RANBP3L: variants seen among roughly 807,000 people sequenced by gnomAD.
The protein encoded by RANBP3L is ran-binding protein 3-like.
A neutral mutation model predicts 67.2 loss-of-function variants in RANBP3L; 56 were observed. That is an observed-to-expected ratio of 0.83 (90% confidence interval 0.67 to 1.04). The LOEUF (loss-of-function observed/expected upper bound fraction) is 1.04, where lower values mean the gene tolerates loss of function less well. Ranked by LOEUF, RANBP3L falls within the 50% of genes least tolerant of loss-of-function variation. The pLI is 0.00. For missense variants in RANBP3L, 496 were observed against 535.5 expected (o/e 0.93, Z 0.73); for synonymous variants, 164 against 181.4 (o/e 0.90, Z 0.77).
In RANBP3L at chr5:36,269,445, C is replaced by T. The variant is rs767359876; in HGVS notation, c.213G>A (p.Lys71=). Residue 71 remains lysine (K), a synonymous_variant, in exon 4 of 14, where the codon AAG becomes AAA. Transcript: ENST00000296604. ...AEPECNGFPT[K]RVRSSSFTFH... ...AAGTAAAAGATGAAGACCGTACACGCTTTGTTGGAAAACCATTACATTCTG... is the reference window on the plus strand; with the variant it reads ...AAGTAAAAGATGAAGACCGTACACGTTTTGTTGGAAAACCATTACATTCTG... The T allele has an allele frequency of 1.3e-6, 2 of 1,575,554 alleles. No individual in the cohort carries two copies. The highest frequency in any genetic ancestry group is 1.7e-6 in the Non-Finnish European group (2 of 1,144,768).
rs201149088 is a variant in RANBP3L, at chr5:36,289,818, C to CAA, written c.91+11506_91+11507dup. On this transcript the variant is annotated intron_variant, in intron 1 of 13. Transcript: ENST00000296604. The stretch of plus-strand genomic sequence containing the variant: ...TTCTACAAATACCATCAATCATCTG[C>CAA]AAAAAAAAAAAAGATAGTTTTACTT... Among the ~76,000 whole-genome samples, 3,041 of 140,976 alleles carry CAA rather than the reference C, an allele frequency of 0.022. 182 individuals carry two copies. The East Asian group carries it at 0.23, about 11-fold the overall frequency. The allele number at this position is 140,976 out of a possible 152,430, so 92.5% of individuals were successfully genotyped here. A position where few individuals can be genotyped will look rare whatever the true frequency, so the allele number is the denominator to read the frequency against.
At chr5:36,268,683 T>G (rs1749983407) in intron 4 of RANBP3L, among the ~76,000 whole-genome samples, 1 of 151,962 alleles carries the variant, frequency 6.6e-6, no homozygotes, top group Admixed American at 6.6e-5. Context: ...TTTCAAGGGG[T>G]AGGCATCCAT....
intron 1 of RANBP3L, among the ~76,000 whole-genome samples, chr5:36,300,963 G>T (rs1752568753): frequency 6.6e-6 from 1 of 152,148 alleles, no homozygotes; most frequent in Non-Finnish European, 1.5e-5. Context: ...TCCCACCAGT[G>T]GTACTATGGT....
In RANBP3L at chr5:36,280,872, C is replaced by A. The variant is rs114310180; in HGVS notation, c.92-9561G>T. Among the ~76,000 whole-genome samples, 222 of 151,762 alleles carry A rather than the reference C, an allele frequency of 1.5e-3. 1 individual carries two copies. The highest frequency in any genetic ancestry group is 2.3e-3 in the Non-Finnish European group (153 of 67,902). On this transcript the variant is annotated intron_variant, in intron 1 of 13. Transcript: ENST00000296604. ...TAGCTACCATATGAAATGCATATAC[C>A]CATCATGACTAGTCTTTACTCTTTT...
intron 1 of RANBP3L, among the ~76,000 whole-genome samples, chr5:36,274,287 T>G (rs916075188): frequency 3.3e-5 from 5 of 152,136 alleles, no homozygotes; most frequent in Non-Finnish European, 7.3e-5. Flanking sequence ...AACTAAGTAA[T>G]TAATTACGCA....
chr5:36,279,875 A>G (rs1055412770), intron 1 of RANBP3L, among the ~76,000 whole-genome samples: 3 of 152,066 alleles, frequency 2.0e-5, no homozygotes, highest in Non-Finnish European at 4.4e-5. Context: ...CAACATGTGA[A>G]AAAAATAAGG....
chr5:36,275,392 A>C (rs1750503543), intron 1 of RANBP3L, among the ~76,000 whole-genome samples: 1 of 152,282 alleles, frequency 6.6e-6, no homozygotes, highest in Non-Finnish European at 1.5e-5. Context: ...CTCCAAAACC[A>C]TTGATTTAAC....
chr5:36,293,008 T>C (rs1364032794), intron 1 of RANBP3L, among the ~76,000 whole-genome samples: 108 of 132,394 alleles, frequency 8.2e-4, no homozygotes, highest in African/African-American at 3.0e-3. Context: ...GCCATTTTCA[T>C]GATATTGATT....
intron 9 of RANBP3L, 43 bp from the exon 10 acceptor site, chr5:36,257,114 C>A (rs1373856519): frequency 5.1e-6 from 8 of 1,564,054 alleles, no homozygotes; most frequent in Non-Finnish European, 6.9e-6. Flanking sequence ...TCCCCATTTT[C>A]TCTACTGTGA....
chr5:36,249,748 GA>G, intron 13 of RANBP3L, 51 bp from the exon 14 acceptor site: 1 of 951,236 alleles, frequency 1.1e-6, no homozygotes. Context: ...ATTTAGGGTA[GA>G]TTTTTAATAT....
At position 36,295,594 on chromosome 5, in the gene RANBP3L, C is replaced by A. The variant is rs73081963; in HGVS notation, c.91+5732G>T. On this transcript the variant is annotated intron_variant, in intron 1 of 13. Coordinates refer to ENST00000296604, the MANE Select transcript of RANBP3L (RefSeq NM_145000.5). The stretch of plus-strand genomic sequence containing the variant: ...TACATTGCCATAGTACTTTTCACAG[C>A]AGCTCCACCATTTTATCTCCTGCAA... Among the ~76,000 whole-genome samples the A allele has an allele frequency of 8.4e-3, 1,270 of 151,920 alleles. 11 individuals carry two copies. Among genetic ancestry groups the A allele is most frequent in the Non-Finnish European group, 0.012 (830 of 67,958 alleles).
At chr5:36,282,324 TTAG>T (rs1170070285) in intron 1 of RANBP3L, among the ~76,000 whole-genome samples, 2 of 152,200 alleles carry the variant, frequency 1.3e-5, no homozygotes, top group African/African-American at 4.8e-5. Flanking sequence ...TAAATAATAA[TTAG>T]TAGATTTTTC....
chr5:36,294,595 T>C (rs887819096), intron 1 of RANBP3L, among the ~76,000 whole-genome samples: 1 of 152,136 alleles, frequency 6.6e-6, no homozygotes, highest in African/African-American at 2.4e-5. Context: ...GATTCTTGTA[T>C]GTTGTGCCTT....
chr5:36,294,281 T>G (rs1420672757), intron 1 of RANBP3L, among the ~76,000 whole-genome samples: 1 of 152,026 alleles, frequency 6.6e-6, no homozygotes. Flanking sequence ...GTCTATTTGA[T>G]TCTTCTCTCT....
intron 6 of RANBP3L, among the ~76,000 whole-genome samples, chr5:36,263,392 C>G (rs559232191): frequency 6.6e-6 from 1 of 151,768 alleles, no homozygotes; most frequent in African/African-American, 2.4e-5. Context: ...AAAATTCTGC[C>G]AAGAAAGAAA....
chr5:36,282,654 A>T (rs1561130944), intron 1 of RANBP3L, among the ~76,000 whole-genome samples: 1 of 152,146 alleles, frequency 6.6e-6, no homozygotes, highest in Non-Finnish European at 1.5e-5. Context: ...TTGTTTCTCC[A>T]TTTCCACAGG....
chr5:36,287,090 A>C (rs62888560), intron 1 of RANBP3L, among the ~76,000 whole-genome samples: 57,769 of 152,004 alleles, frequency 0.38, 12,785 homozygotes, highest in Middle Eastern at 0.52. Context: ...GCCCCGCCTC[A>C]GATCATCAGA....
intron 1 of RANBP3L, among the ~76,000 whole-genome samples, chr5:36,301,051 G>A (rs1261452449): frequency 6.6e-6 from 1 of 152,110 alleles, no homozygotes; most frequent in Non-Finnish European, 1.5e-5. Context: ...GCTCAGATGG[G>A]TGTTTTGAAT....
Position 36,268,229 on chromosome 5 carries a change from C to T in RANBP3L, c.268+1161G>A, listed in dbSNP as rs140143546. ...TGGGGGAAGGTTGGGAGGTTAGTGA[C>T]GGATGAACATCTCATTTGCTTCTGA... On this transcript the variant is annotated intron_variant, in intron 4 of 13. Transcript: ENST00000296604. 219 of 1,538,816 alleles carry T rather than the reference C, an allele frequency of 1.4e-4. No homozygotes were observed. The African/African-American group carries it at 2.7e-3, about 19-fold the overall frequency.
Sources: allele counts gnomAD v4.1 joint callset (sites outside exome capture counted in the v4.1 genomes callset), GRCh38; gene constraint gnomAD v4.1.1; transcripts MANE v1.5; gene names NCBI Gene and HGNC (gene_info 2026-07-23, HGNC 2026-07-21).